UBE2QL1: variants seen among roughly 807,000 people sequenced by gnomAD.
UBE2QL1 encodes ubiquitin-conjugating enzyme E2Q-like protein 1.
Under a neutral mutation model 12.6 loss-of-function variants are expected in UBE2QL1, and 5 were observed. That is an observed-to-expected ratio of 0.40 (90% CI 0.21 to 0.83). The LOEUF is 0.83. Among genes scored for constraint, UBE2QL1 ranks in the 40% least tolerant of loss-of-function variants. UBE2QL1 has a pLI of 0.37. For synonymous variants in UBE2QL1, 96 were observed against 94.5 expected, an observed-to-expected ratio of 1.02 and a Z score of -0.10; for missense variants, 99 against 222.6, an observed-to-expected ratio of 0.44 and a Z score of 3.53.
At chr5:6,480,428 G>A (rs1428695214) in intron 1 of UBE2QL1, among the ~76,000 whole-genome samples, 1 of 152,180 alleles carries the variant, frequency 6.6e-6, no homozygotes, top group African/African-American at 2.4e-5. Context: ...CAGCCACCAC[G>A]ATGTCACTAA....
intron 1 of UBE2QL1, among the ~76,000 whole-genome samples, chr5:6,485,527 A>G (rs1342996935): frequency 6.6e-6 from 1 of 152,200 alleles, no homozygotes; most frequent in Non-Finnish European, 1.5e-5. Flanking sequence ...CCCAGATAGA[A>G]GTTTTAGGGG....
rs572863419 is a variant in UBE2QL1 at position 6,484,626 on chromosome 5, C to T, written c.355-6592C>T. Among the ~76,000 whole-genome samples the T allele has an allele frequency of 3.3e-5, 5 of 152,260 alleles. No homozygotes were observed. In the South Asian group the frequency reaches 1.0e-3, roughly 32 times the overall value. On this transcript the variant is annotated intron_variant, in intron 1 of 1. Coordinates refer to ENST00000399816, the MANE Select transcript of UBE2QL1 (RefSeq NM_001145161.3). Reference sequence around the variant, plus strand: ...GTCGAGCTGAGCACGGAGCAGTCACCGTGGCACTTGCGGACGGTGTGGGGA... The same window carrying T: ...GTCGAGCTGAGCACGGAGCAGTCACTGTGGCACTTGCGGACGGTGTGGGGA...
chr5:6,465,599 G>A (rs371905120), intron 1 of UBE2QL1, among the ~76,000 whole-genome samples: 2 of 152,156 alleles, frequency 1.3e-5, no homozygotes, highest in African/African-American at 2.4e-5. Flanking sequence ...TTTGCACCTC[G>A]TTTCAACAGG....
chr5:6,480,641 G>A (rs1021138063), intron 1 of UBE2QL1, among the ~76,000 whole-genome samples: 2 of 152,204 alleles, frequency 1.3e-5, no homozygotes, highest in South Asian at 2.1e-4. Context: ...TTTCAAAACA[G>A]TTCAGTAATT....
chr5:6,459,360 G>A (rs1739602384), intron 1 of UBE2QL1, among the ~76,000 whole-genome samples: 1 of 152,134 alleles, frequency 6.6e-6, no homozygotes. Context: ...CATTTAAGAG[G>A]GTATCCTGGC....
At chr5:6,470,031 G>C (rs1008231151) in intron 1 of UBE2QL1, among the ~76,000 whole-genome samples, 1 of 152,190 alleles carries the variant, frequency 6.6e-6, no homozygotes, top group Non-Finnish European at 1.5e-5. Flanking sequence ...TGCCGGGGCC[G>C]CAGTGTTCAG....
At chr5:6,475,135 C>T (rs1265874911) in intron 1 of UBE2QL1, among the ~76,000 whole-genome samples, 3 of 152,058 alleles carry the variant, frequency 2.0e-5, no homozygotes, top group East Asian at 3.8e-4. Flanking sequence ...ATCAAAAAGC[C>T]GAGATTGTAT....
chr5:6,481,040 G>A lies in UBE2QL1; in HGVS notation c.355-10178G>A, dbSNP rs940133407. The stretch of plus-strand genomic sequence containing the variant: ...GAGTGCTAAAAAATAAGGTCAATAG[G>A]AGTTTTTAAGGTTTTGATAGTATTA... On this transcript the variant is annotated intron_variant, in intron 1 of 1. Transcript: ENST00000399816. The surrounding 1 kb of genome is among the most constrained non-coding windows in gnomAD (Gnocchi z 4.5). 6.6e-6 allele frequency among the ~76,000 whole-genome samples: 1 copy of A among 152,110 alleles called. No individual in the cohort carries two copies. Among genetic ancestry groups the A allele is most frequent in the Non-Finnish European group, 1.5e-5 (1 of 68,024 alleles).
chr5:6,453,520 A>G (rs917437367), intron 1 of UBE2QL1, among the ~76,000 whole-genome samples: 34 of 152,204 alleles, frequency 2.2e-4, no homozygotes, highest in Non-Finnish European at 1.9e-4. Context: ...TTTCAGGACA[A>G]GTTCTGTTTG....
At chr5:6,456,070 G>A (rs950558926) in intron 1 of UBE2QL1, among the ~76,000 whole-genome samples, 12 of 152,276 alleles carry the variant, frequency 7.9e-5, no homozygotes, top group African/African-American at 2.2e-4. Flanking sequence ...AATACAGCAC[G>A]GGAATCGAGT....
chr5:6,476,841 T>C lies in UBE2QL1; in HGVS notation c.355-14377T>C, dbSNP rs1195604663. On this transcript the variant is annotated intron_variant, in intron 1 of 1. Coordinates refer to ENST00000399816, the MANE Select transcript of UBE2QL1 (RefSeq NM_001145161.3). The surrounding 1 kb of genome is among the most constrained non-coding windows in gnomAD (Gnocchi z 4.9). ...GGACACTAGCTGCCACCAATAATGA[T>C]TTGCCATTCACAAGGACAGGAGTGG... 6.6e-6 allele frequency among the ~76,000 whole-genome samples: 1 copy of C among 152,112 alleles called. No individual in the cohort carries two copies. The highest frequency in any genetic ancestry group is 1.5e-5 in the Non-Finnish European group (1 of 68,014).
intron 1 of UBE2QL1, among the ~76,000 whole-genome samples, chr5:6,486,742 C>G (rs1734474943): frequency 6.6e-6 from 1 of 152,202 alleles, no homozygotes; most frequent in Non-Finnish European, 1.5e-5. Flanking sequence ...GCCTCTGGCT[C>G]TTTTAGTTCT....
At chr5:6,470,359 A>G (rs1739885488) in intron 1 of UBE2QL1, among the ~76,000 whole-genome samples, 1 of 152,252 alleles carries the variant, frequency 6.6e-6, no homozygotes, top group Non-Finnish European at 1.5e-5. Context: ...GCAGAATTAT[A>G]ATGGTATATG....
At chr5:6,461,543 A>ACCCCCC (rs71953375) in intron 1 of UBE2QL1, among the ~76,000 whole-genome samples, 10 of 42,200 alleles carry the variant, frequency 2.4e-4, no homozygotes, top group South Asian at 1.0e-3. Context: ...AGCACCCACC[A>ACCCCCC]CCCCCCCCCG....
chr5:6,461,188 A>G (rs1026817647), intron 1 of UBE2QL1, among the ~76,000 whole-genome samples: 2 of 152,244 alleles, frequency 1.3e-5, no homozygotes, highest in East Asian at 1.9e-4. Flanking sequence ...TCTTACTGCA[A>G]TTGGAGGCTA....
At chr5:6,483,775 G>T (rs1440387816) in intron 1 of UBE2QL1, among the ~76,000 whole-genome samples, 3 of 152,216 alleles carry the variant, frequency 2.0e-5, no homozygotes, top group Admixed American at 6.5e-5. Flanking sequence ...CCACGCCAAG[G>T]GCTGGTTCCC....
chr5:6,486,753 A>T (rs1734475059), intron 1 of UBE2QL1, among the ~76,000 whole-genome samples: 1 of 152,170 alleles, frequency 6.6e-6, no homozygotes, highest in South Asian at 2.1e-4. Context: ...TTTTAGTTCT[A>T]CACACCAGTT....
chr5:6,450,068 C>T (rs1019807197), intron 1 of UBE2QL1, among the ~76,000 whole-genome samples: 3 of 151,024 alleles, frequency 2.0e-5, no homozygotes, highest in African/African-American at 7.3e-5. Flanking sequence ...TGGGCATTCC[C>T]TTAAGAGACA....
In UBE2QL1 at chr5:6,491,247, A is replaced by G; in HGVS notation, c.384A>G (p.Ser128=). The change falls in exon 2 of 2, where the codon TCA becomes TCG. Residue 128 remains serine (S), a synonymous_variant. Coordinates refer to ENST00000399816, the MANE Select transcript of UBE2QL1 (RefSeq NM_001145161.3). ...GGATCTGTAGAAAAGCTGGCAAATC[A>G]AAAAAGTCCTTCAGTCGCAAGGAAG... ...QGRICRKAGK[S]KKSFSRKEAE... 6.4e-7 allele frequency: 1 copy of G among 1,551,118 alleles called. No individual in the cohort carries two copies. Among genetic ancestry groups the G allele is most frequent in the Non-Finnish European group, 8.7e-7 (1 of 1,146,760 alleles).
Sources: allele counts gnomAD v4.1 joint callset (sites outside exome capture counted in the v4.1 genomes callset), GRCh38; gene constraint gnomAD v4.1.1; non-coding constraint Gnocchi (gnomAD v3.1); transcripts MANE v1.5; gene names NCBI Gene and HGNC (gene_info 2026-07-23, HGNC 2026-07-21).